The following ZCWPW2 variants were observed in gnomAD, a reference collection of about 807,000 sequenced individuals.
The protein encoded by ZCWPW2 is zinc finger CW-type PWWP domain protein 2.
ZCWPW2 carries 45 observed loss-of-function variants against 46.6 expected under a neutral mutation model. The ratio of observed to expected loss-of-function variants is 0.96; its 90% CI spans 0.76 to 1.24. ZCWPW2 has a LOEUF of 1.24. Ranked by LOEUF, ZCWPW2 falls within the 50% of genes most tolerant of loss-of-function variation. The pLI is 0.00. For missense variants in ZCWPW2, 429 were observed against 403.9 expected, an observed-to-expected ratio of 1.06 and a Z score of -0.53; for synonymous variants, 152 against 137.1, an observed-to-expected ratio of 1.11 and a Z score of -0.76.
chr3:28,402,833 T>A (rs1365232132), intron 2 of ZCWPW2, among the ~76,000 whole-genome samples: 1 of 152,160 alleles, frequency 6.6e-6, no homozygotes, highest in African/African-American at 2.4e-5. Context: ...CAGAAGCATT[T>A]GACAAAATCC....
intron 4 of ZCWPW2, among the ~76,000 whole-genome samples, chr3:28,467,018 A>T (rs749466711): frequency 1.3e-5 from 2 of 152,168 alleles, no homozygotes; most frequent in Non-Finnish European, 1.5e-5. Flanking sequence ...AATATGATAG[A>T]TATAACAAGA....
chr3:28,460,012 G>C (rs979822442), intron 4 of ZCWPW2, among the ~76,000 whole-genome samples: 2 of 152,072 alleles, frequency 1.3e-5, no homozygotes, highest in African/African-American at 4.8e-5. Flanking sequence ...ATCATAAACT[G>C]CTTCATTTCC....
intron 4 of ZCWPW2, among the ~76,000 whole-genome samples, chr3:28,473,857 G>A (rs1032900128): frequency 2.6e-5 from 4 of 152,188 alleles, no homozygotes; most frequent in Non-Finnish European, 4.4e-5. Context: ...AGAGTACAAG[G>A]TTGGTTAACG....
chr3:28,391,875 C>T (rs1695507848), intron 2 of ZCWPW2, among the ~76,000 whole-genome samples: 1 of 151,974 alleles, frequency 6.6e-6, no homozygotes, highest in South Asian at 2.1e-4. Flanking sequence ...GCCCCAGCCC[C>T]TAGAGAAAGA....
chr3:28,432,260 T>A (rs1473683246), intron 3 of ZCWPW2, among the ~76,000 whole-genome samples: 3 of 152,080 alleles, frequency 2.0e-5, no homozygotes, highest in Non-Finnish European at 4.4e-5. Flanking sequence ...CACTAGGAAA[T>A]GTTGGAAAAA....
At chr3:28,468,089 A>C (rs1427668819) in intron 4 of ZCWPW2, among the ~76,000 whole-genome samples, 7 of 152,154 alleles carry the variant, frequency 4.6e-5, no homozygotes, top group African/African-American at 1.7e-4. Flanking sequence ...AGGAATTTCG[A>C]ATTCTATCAG....
chr3:28,495,022 C>A (rs998011954), intron 6 of ZCWPW2, among the ~76,000 whole-genome samples: 1 of 151,936 alleles, frequency 6.6e-6, no homozygotes, highest in Admixed American at 6.6e-5. Flanking sequence ...TTTATAGATT[C>A]AATGCCATCC....
rs192854716 is a variant in ZCWPW2 at position 28,509,225 on chromosome 3, C to T, written c.658-4839C>T. ...ATTATATGGATATACGACACTTTAT[C>T]CATTGGTGGACATTTGGGTTGTTTC... On this transcript the variant is annotated intron_variant, in intron 6 of 9. Coordinates refer to ENST00000383768, the MANE Select transcript of ZCWPW2 (RefSeq NM_001040432.4). 2.3e-3 allele frequency among the ~76,000 whole-genome samples: 346 copies of T among 152,014 alleles called. 1 individual carries two copies. The highest frequency in any genetic ancestry group is 0.01 in the Middle Eastern group (3 of 294).
At chr3:28,409,209 T>C (rs2125737005) in intron 2 of ZCWPW2, among the ~76,000 whole-genome samples, 1 of 146,388 alleles carries the variant, frequency 6.8e-6, no homozygotes, top group South Asian at 2.2e-4. Context: ...AACTTCTGCC[T>C]CTCTGGTTCA....
At chr3:28,384,102 A>G (rs530487176) in intron 1 of ZCWPW2, among the ~76,000 whole-genome samples, 12 of 152,144 alleles carry the variant, frequency 7.9e-5, no homozygotes, top group Non-Finnish European at 1.6e-4. Context: ...AAATTTGGGT[A>G]ATACATTTCT....
Position 28,492,148 on chromosome 3 carries a change from A to G in ZCWPW2, c.632A>G (p.Lys211Arg). ...KLQDKSETHD[K>R]VAALVKKRKQ... ...ACAGATAAATCCGAAACACATGACA[A>G]AGTTGCTGCACTGGTCAAGAAAAGG... The change falls in exon 6 of 10, where the codon AAA becomes AGA. Residue 211 changes from lysine to arginine, a missense_variant. Coordinates refer to ENST00000383768, the MANE Select transcript of ZCWPW2 (RefSeq NM_001040432.4). 2 of 1,609,826 alleles carry G rather than the reference A, an allele frequency of 1.2e-6. No individual in the cohort carries two copies. Among genetic ancestry groups the G allele is most frequent in the Non-Finnish European group, 1.7e-6 (2 of 1,178,190 alleles).
intron 2 of ZCWPW2, among the ~76,000 whole-genome samples, chr3:28,396,951 A>G (rs1159004870): frequency 6.6e-6 from 1 of 152,128 alleles, no homozygotes. Context: ...CAACATGGCA[A>G]AACTCCGTCT....
chr3:28,371,653 A>T (rs1472324372), intron 1 of ZCWPW2, among the ~76,000 whole-genome samples: 1 of 152,082 alleles, frequency 6.6e-6, no homozygotes, highest in Non-Finnish European at 1.5e-5. Flanking sequence ...AGAAAGACCC[A>T]TCTCAAGCAA....
chr3:28,474,877 A>G (rs113251117), intron 4 of ZCWPW2, among the ~76,000 whole-genome samples: 3,495 of 152,042 alleles, frequency 0.023, 135 homozygotes, highest in African/African-American at 0.071. Flanking sequence ...TTGCCAGGCT[A>G]GAGTGCAGTG....
intron 3 of ZCWPW2, among the ~76,000 whole-genome samples, chr3:28,421,291 T>G (rs146183688): frequency 1.3e-5 from 2 of 151,996 alleles, no homozygotes; most frequent in African/African-American, 4.8e-5. Context: ...GACACCATAG[T>G]GGGAGGGTCT....
chr3:28,393,733 A>G (rs1467637890), intron 2 of ZCWPW2, among the ~76,000 whole-genome samples: 2 of 152,290 alleles, frequency 1.3e-5, no homozygotes, highest in East Asian at 3.9e-4. Context: ...GACAAAATTT[A>G]ACATCAGTTT....
At chr3:28,477,800 G>A (rs1411391487) in intron 4 of ZCWPW2, among the ~76,000 whole-genome samples, 1 of 151,984 alleles carries the variant, frequency 6.6e-6, no homozygotes, top group African/African-American at 2.4e-5. Context: ...AAAATAAATA[G>A]CCATATTCCT....
intron 1 of ZCWPW2, among the ~76,000 whole-genome samples, chr3:28,356,043 A>G (rs1379220450): frequency 6.6e-6 from 1 of 152,222 alleles, no homozygotes; most frequent in Non-Finnish European, 1.5e-5. Flanking sequence ...AAAAGAAACT[A>G]CCATCACAGT....
intron 1 of ZCWPW2, among the ~76,000 whole-genome samples, chr3:28,372,784 C>T (rs955147903): frequency 5.3e-5 from 8 of 152,102 alleles, no homozygotes; most frequent in African/African-American, 7.2e-5. Flanking sequence ...CCTACCTCTC[C>T]GTATTTAAAG....
Sources: gnomAD v4.1 joint callset for allele counts (sites outside exome capture counted in the v4.1 genomes callset) on GRCh38, gnomAD v4.1.1 for gene constraint, MANE v1.5 for transcripts, NCBI Gene and HGNC (gene_info 2026-07-23, HGNC 2026-07-21) for gene names.